Variants in FBF1 observed in about 807,000 individuals in gnomAD.
FBF1 encodes the protein fas-binding factor 1.
In FBF1, 119 loss-of-function variants were observed where a neutral mutation model predicts 147.2. The observed-to-expected ratio is 0.81, with a 90% CI of 0.70 to 0.94. The LOEUF is 0.94. FBF1 is among the 40% of genes least tolerant of loss of function. The pLI, the probability that FBF1 is intolerant of heterozygous loss-of-function variation, is 0.00. For missense variants in FBF1, 1,449 were observed against 1,500.8 expected (o/e 0.97, Z 0.57); for synonymous variants, 601 against 609.0 (o/e 0.99, Z 0.19).
At chr17:75,938,257 GC>G (rs2065637284) in intron 1 of FBF1, 25 bp from the exon 2 acceptor site, 1 of 1,522,532 alleles carries the variant, frequency 6.6e-7, no homozygotes, top group African/African-American at 1.4e-5. Context: ...TAAAGTGGTT[GC>G]TTAAAAATGA....
Position 75,923,203 on chromosome 17 carries a change from G to T in FBF1, c.1407C>A (p.Gly469=). Residue 469 remains glycine (G), a synonymous_variant, in exon 14 of 30, where the codon GGC becomes GGA. Coordinates refer to ENST00000636174, the MANE Select transcript of FBF1 (RefSeq NM_001319193.2). This position sits in a 1 kb window ranked among gnomAD's most constrained non-coding sequence, Gnocchi z 4.1. The part of the protein sequence containing the change: ...SEGLHLAGTA[G]HPPSGSQPLT... ...GTCAGTACCTGCCAGAAGGGGGATGGCCCGCTGTCCCCGCCAAATGCAGGC... is the reference window on the plus strand; with the variant it reads ...GTCAGTACCTGCCAGAAGGGGGATGTCCCGCTGTCCCCGCCAAATGCAGGC... 2 of 1,585,934 alleles carry T rather than the reference G, an allele frequency of 1.3e-6. No individual in the cohort carries two copies. Among genetic ancestry groups the T allele is most frequent in the Non-Finnish European group, 1.7e-6 (2 of 1,166,876 alleles).
intron 23 of FBF1, among the ~76,000 whole-genome samples, chr17:75,916,163 T>C (rs767518834): frequency 7.3e-6 from 1 of 137,720 alleles, no homozygotes; most frequent in Non-Finnish European, 1.6e-5. Flanking sequence ...CTACAAAAAA[T>C]ACAAAAAATT....
intron 5 of FBF1, among the ~76,000 whole-genome samples, chr17:75,932,245 T>C: frequency 6.6e-6 from 1 of 151,800 alleles, no homozygotes; most frequent in East Asian, 2.0e-4. Context: ...GACGTGGTGG[T>C]GTGTGCCTGT....
At position 75,923,678 on chromosome 17, in the gene FBF1, C is replaced by G. The variant is rs1295076152; in HGVS notation, c.969-37G>C. On this transcript the variant is annotated intron_variant, in intron 13 of 29. Transcript: ENST00000636174. This position sits in a 1 kb window ranked among gnomAD's most constrained non-coding sequence, Gnocchi z 4.1. Reference sequence around the variant, plus strand: ...AAAGGAGGGTGTCAGGCAGGGGAAACAGCCAGTCCCAGTGGCCCCCTAGCA... The same window carrying G: ...AAAGGAGGGTGTCAGGCAGGGGAAAGAGCCAGTCCCAGTGGCCCCCTAGCA... The G allele has an allele frequency of 1.3e-6, 2 of 1,522,752 alleles. No individual in the cohort carries two copies. Among genetic ancestry groups the G allele is most frequent in the African/African-American group, 1.4e-5 (1 of 73,116 alleles). The allele number at this position is 1,522,752 out of a possible 1,614,324, so 94.3% of individuals were successfully genotyped here. A position where few individuals can be genotyped will look rare whatever the true frequency, so the allele number is the denominator to read the frequency against.
At chr17:75,929,212 T>C (rs1399633303) in intron 7 of FBF1, among the ~76,000 whole-genome samples, 3 of 152,120 alleles carry the variant, frequency 2.0e-5, no homozygotes, top group African/African-American at 7.2e-5. Context: ...GCCTCATGCC[T>C]GTAATTACAG....
In FBF1 at chr17:75,925,393, T is replaced by C. The variant is rs758864030; in HGVS notation, c.922A>G (p.Thr308Ala). 3.7e-6 allele frequency: 6 copies of C among 1,613,552 alleles called. No homozygotes were observed. In the Admixed American group the frequency reaches 6.7e-5, roughly 18 times the overall value. The change falls in exon 13 of 30, where the codon ACT (threonine) becomes GCT (alanine). Residue 308 changes from threonine (T) to alanine (A), a missense_variant. By Grantham distance (58) the Thr-to-Ala change is moderately conservative. Coordinates refer to ENST00000636174, the MANE Select transcript of FBF1 (RefSeq NM_001319193.2). The surrounding 1 kb of genome is among the most constrained non-coding windows in gnomAD (Gnocchi z 5.0). ...EDFTFGAYQP[T>A]VVSSEGRQSR... ...TGCCGGCCCTCAGAGGAGACCACAG[T>C]GGGCTGATAGGCTCCAAAGGTGAAG...
In FBF1 at chr17:75,937,043, A is replaced by G. The variant is rs549063568; in HGVS notation, c.31+523T>C. Among the ~76,000 whole-genome samples the G allele has an allele frequency of 1.1e-4, 16 of 152,294 alleles. No homozygotes were observed. In the South Asian group the frequency reaches 3.3e-3, roughly 32 times the overall value. On this transcript the variant is annotated intron_variant, in intron 3 of 29. Transcript: ENST00000636174. The stretch of plus-strand genomic sequence containing the variant: ...CACATATTTCTGGATACAGAGCCCA[A>G]GGAGGAGGATTTTTTCCAAAACCTC...
At chr17:75,933,747 G>A (rs914124935) in intron 4 of FBF1, among the ~76,000 whole-genome samples, 1 of 152,128 alleles carries the variant, frequency 6.6e-6, no homozygotes, top group African/African-American at 2.4e-5. Context: ...TTAAAAAGGG[G>A]CAAAGGATCT....
Position 75,923,416 on chromosome 17 carries a change from G to A in FBF1, c.1194C>T (p.Ser398=). ...TGGAGGGGGGCAGCCCAGCTGGCGT[G>A]GAGTGCTGGCTCGCAGGAGGAGGCA... ...PSVPPPASQH[S]TPAGLPPSRA... is the part of the protein sequence containing the mutation. The change falls in exon 14 of 30, where the codon TCC becomes TCT. Residue 398 remains serine, a synonymous_variant. Transcript: ENST00000636174. This position sits in a 1 kb window ranked among gnomAD's most constrained non-coding sequence, Gnocchi z 4.1. 6.2e-7 allele frequency: 1 copy of A among 1,608,062 alleles called. No homozygotes were observed. The highest frequency in any genetic ancestry group is 8.5e-7 in the Non-Finnish European group (1 of 1,177,628).
chr17:75,922,986 G>C lies in FBF1; in HGVS notation c.1424+200C>G, dbSNP rs1314792059. On this transcript the variant is annotated intron_variant, in intron 14 of 29. Transcript: ENST00000636174. The surrounding 1 kb of genome is among the most constrained non-coding windows in gnomAD (Gnocchi z 5.0). ...GCCCTCCTTCTTGGGTATGTCCCTG[G>C]GGCAAGCCTGGGAGCCAGAGGCTCT... Among the ~76,000 whole-genome samples the C allele has an allele frequency of 6.6e-6, 1 of 152,236 alleles. No individual in the cohort carries two copies.
intron 7 of FBF1, among the ~76,000 whole-genome samples, chr17:75,929,018 C>T (rs2065578820): frequency 6.7e-6 from 1 of 149,182 alleles, no homozygotes; most frequent in South Asian, 2.1e-4. Context: ...GACAGAGTCT[C>T]ACTCTGTCAC....
intron 4 of FBF1, 59 bp from the exon 5 acceptor site, chr17:75,933,147 G>T: frequency 1.5e-6 from 2 of 1,310,712 alleles, no homozygotes; most frequent in Non-Finnish European, 2.1e-6. Context: ...GAGTCAAGAT[G>T]CAAAGGCTGG....
chr17:75,921,215 G>A lies in FBF1; in HGVS notation c.1674+29C>T, dbSNP rs186355231. ...CATGGAGAATTGCTCCCTAGGCCCTGAGCTAGACCTGTCTGCCCACACCCC... is the reference window on the plus strand; with the variant it reads ...CATGGAGAATTGCTCCCTAGGCCCTAAGCTAGACCTGTCTGCCCACACCCC... On this transcript the variant is annotated intron_variant, in intron 17 of 29. Coordinates refer to ENST00000636174, the MANE Select transcript of FBF1 (RefSeq NM_001319193.2). The A allele has an allele frequency of 2.1e-4, 323 of 1,566,056 alleles. No individual in the cohort carries two copies. In the African/African-American group the frequency reaches 3.5e-3, roughly 17 times the overall value.
chr17:75,920,352 C>A lies in FBF1; in HGVS notation c.1752G>T (p.Val584=). Residue 584 remains valine (V), a synonymous_variant, in exon 18 of 30, where the codon GTG becomes GTT. Coordinates refer to ENST00000636174, the MANE Select transcript of FBF1 (RefSeq NM_001319193.2). ...GCTCAGCGGGGCTGCACTGAAGTTGCACCTGTGCTGCCAGGAGCTGCTTCT... is the reference window on the plus strand; with the variant it reads ...GCTCAGCGGGGCTGCACTGAAGTTGAACCTGTGCTGCCAGGAGCTGCTTCT... ...EYQKQLLAAQ[V]QLQCSPAELQ... is the part of the protein sequence containing the mutation. The A allele has an allele frequency of 6.2e-7, 1 of 1,608,396 alleles. No homozygotes were observed. Among genetic ancestry groups the A allele is most frequent in the Non-Finnish European group, 8.5e-7 (1 of 1,178,012 alleles).
chr17:75,928,181 T>C lies in FBF1; in HGVS notation c.292A>G (p.Met98Val). ...TTCAGACCTAAGATATCAGCATCCA[T>C]GCCGTCCAGGTCCTAGAAAACCAGG... ...LLQAMKDLDG[M>V]DADILGLKKS... Residue 98 changes from methionine to valine, a missense_variant, in exon 8 of 30, where the codon ATG becomes GTG. Physicochemically the swap from Met to Val is conservative, Grantham distance 21. Coordinates refer to ENST00000636174, the MANE Select transcript of FBF1 (RefSeq NM_001319193.2). The surrounding 1 kb of genome is among the most constrained non-coding windows in gnomAD (Gnocchi z 4.2). The C allele has an allele frequency of 1.2e-6, 2 of 1,613,886 alleles. No homozygotes were observed. Among genetic ancestry groups the C allele is most frequent in the African/African-American group, 1.3e-5 (1 of 75,016 alleles).
intron 15 of FBF1, 21 bp downstream of exon 15, chr17:75,921,924 C>T (rs1393743399): frequency 6.5e-7 from 1 of 1,544,268 alleles, no homozygotes; most frequent in South Asian, 1.2e-5. Context: ...CATTCCCACT[C>T]AGCCCGCAGC....
rs143236122 is a variant in FBF1 at position 75,920,581 on chromosome 17, C to A, written c.1675-152G>T. Among the ~76,000 whole-genome samples, 253 of 152,286 alleles carry A rather than the reference C, an allele frequency of 1.7e-3. 1 individual carries two copies. Among genetic ancestry groups the A allele is most frequent in the African/African-American group, 5.8e-3 (241 of 41,554 alleles). The stretch of plus-strand genomic sequence containing the variant: ...AGGCCTTGGAAAGTAACAGTCACTG[C>A]GGCTAAGCAGTCCCCAGTGTACCTC... On this transcript the variant is annotated intron_variant, in intron 17 of 29. Transcript: ENST00000636174.
rs1333627737 is a variant in FBF1, at chr17:75,923,134, C to T, written c.1424+52G>A. The T allele has an allele frequency of 3.4e-6, 5 of 1,481,818 alleles. No homozygotes were observed. In the African/African-American group the frequency reaches 7.0e-5, roughly 21 times the overall value. 91.8% of individuals were successfully genotyped at this position (1,481,818 alleles called of 1,614,324 possible). On this transcript the variant is annotated intron_variant, in intron 14 of 29. Transcript: ENST00000636174. The surrounding 1 kb of genome is among the most constrained non-coding windows in gnomAD (Gnocchi z 4.1). ...CAGGTGAAGGGGCAAAGGGGCTCCT[C>T]AAGTCCCCAGCCAGTCCTCCCCCTA... is the stretch of plus-strand genomic sequence containing the variant.
Position 75,918,197 on chromosome 17 carries a change from C to T in FBF1, c.2211G>A (p.Glu737=), listed in dbSNP as rs764157191. The T allele has an allele frequency of 1.5e-5, 25 of 1,613,278 alleles. No homozygotes were observed. The South Asian group carries it at 2.0e-4, about 13-fold the overall frequency. Residue 737 remains glutamate (E), a synonymous_variant, in exon 21 of 30, where the codon GAG becomes GAA. Transcript: ENST00000636174. The surrounding 1 kb of genome is among the most constrained non-coding windows in gnomAD (Gnocchi z 5.8). ...AGGTGGCACTGGTGGCCGCATCGAC[C>T]TCTCGGTCCTTCAGCAGCTTTAGCC... ...LQRLKLLKDR[E]VDAATSATSH...
Sources: allele counts gnomAD v4.1 joint callset (sites outside exome capture counted in the v4.1 genomes callset), GRCh38; gene constraint gnomAD v4.1.1; non-coding constraint Gnocchi (gnomAD v3.1); transcripts MANE v1.5; gene names NCBI Gene and HGNC (gene_info 2026-07-23, HGNC 2026-07-21).